The following CLYBL variants were observed in gnomAD, a reference collection of about 807,000 sequenced individuals.
CLYBL encodes the protein citramalyl-CoA lyase, mitochondrial.
A neutral mutation model predicts 38.9 loss-of-function variants in CLYBL; 31 were observed. The observed-to-expected ratio is 0.80, with a 90% CI of 0.60 to 1.08. The LOEUF is 1.08. Ranked by LOEUF, CLYBL falls within the 50% of genes least tolerant of loss-of-function variation. CLYBL has a pLI of 0.00. For synonymous variants in CLYBL, 171 were observed against 158.6 expected, an observed-to-expected ratio of 1.08 and a Z score of -0.59; for missense variants, 434 against 411.6, an observed-to-expected ratio of 1.05 and a Z score of -0.47.
chr13:99,876,826 C>A (rs1043864989), intron 7 of CLYBL, among the ~76,000 whole-genome samples: 23 of 152,082 alleles, frequency 1.5e-4, no homozygotes, highest in Non-Finnish European at 3.2e-4. Context: ...ACACTCATGA[C>A]CAAAACGAGA....
chr13:99,620,774 C>CA (rs2046780888), intron 1 of CLYBL, among the ~76,000 whole-genome samples: 2 of 132,606 alleles, frequency 1.5e-5, no homozygotes, highest in African/African-American at 5.5e-5. Flanking sequence ...GACTCTGTCT[C>CA]AAAAAAAGAA....
At chr13:99,614,189 A>T (rs117335782) in intron 1 of CLYBL, among the ~76,000 whole-genome samples, 1,529 of 152,274 alleles carry the variant, frequency 0.01, 14 homozygotes, top group Non-Finnish European at 0.016. Flanking sequence ...GAAAGAATAA[A>T]AAGACCAGTG....
At chr13:99,701,478 A>AT (rs1206690572) in intron 1 of CLYBL, among the ~76,000 whole-genome samples, 3 of 151,042 alleles carry the variant, frequency 2.0e-5, no homozygotes, top group African/African-American at 4.9e-5. Flanking sequence ...CGCCTGGCTA[A>AT]TTTTTTTGTA....
intron 1 of CLYBL, among the ~76,000 whole-genome samples, chr13:99,645,163 A>G (rs188260871): frequency 3.3e-4 from 50 of 152,170 alleles, no homozygotes; most frequent in African/African-American, 1.2e-3. Context: ...CCTTTTTTCC[A>G]TATCCTCGCT....
Position 99,606,772 on chromosome 13 carries a change from C to G in CLYBL, c.62+15C>G. Reference sequence around the variant, plus strand: ...CTGCTGAGGCTGTGAGTGCAGGTCCCCGTTCCCCGCCTTCCCGGCCCGGCT... The same window carrying G: ...CTGCTGAGGCTGTGAGTGCAGGTCCGCGTTCCCCGCCTTCCCGGCCCGGCT... On this transcript the variant is annotated intron_variant, in intron 1 of 8. Transcript: ENST00000339105. 1 of 1,407,840 alleles carries G rather than the reference C, an allele frequency of 7.1e-7. No individual in the cohort carries two copies. The highest frequency in any genetic ancestry group is 9.2e-7 in the Non-Finnish European group (1 of 1,084,176). The allele number at this position is 1,407,840 out of a possible 1,614,324, so 87.2% of individuals were successfully genotyped here. A position where few individuals can be genotyped will look rare whatever the true frequency, so the allele number is the denominator to read the frequency against.
intron 1 of CLYBL, among the ~76,000 whole-genome samples, chr13:99,738,800 G>T (rs960364998): frequency 6.6e-6 from 1 of 152,104 alleles, no homozygotes; most frequent in Non-Finnish European, 1.5e-5. Context: ...GGAAGGAAAT[G>T]AGAATGGGGG....
At chr13:99,673,031 C>T (rs981040522) in intron 1 of CLYBL, among the ~76,000 whole-genome samples, 18 of 152,094 alleles carry the variant, frequency 1.2e-4, no homozygotes, top group African/African-American at 4.3e-4. Flanking sequence ...CTAGAGCTTA[C>T]AATTCAGCAG....
intron 2 of CLYBL, among the ~76,000 whole-genome samples, chr13:99,814,401 T>C (rs889807173): frequency 6.6e-6 from 1 of 152,210 alleles, no homozygotes; most frequent in Admixed American, 6.5e-5. Flanking sequence ...CCAAAAGCAT[T>C]GTTTGCCCCT....
At chr13:99,623,422 T>A (rs1418520049) in intron 1 of CLYBL, among the ~76,000 whole-genome samples, 2 of 152,214 alleles carry the variant, frequency 1.3e-5, no homozygotes, top group East Asian at 1.9e-4. Flanking sequence ...GGCCCCCATC[T>A]TGGACTCCAA....
In CLYBL at chr13:99,710,847, G is replaced by A. The variant is rs149751982; in HGVS notation, c.63-61977G>A. ...GTAAGCACATCTCCTTCAAGCTATC[G>A]ACAAGTCTCCTGGCTTCTCTTAGTT... On this transcript the variant is annotated intron_variant, in intron 1 of 8. Transcript: ENST00000339105. Among the ~76,000 whole-genome samples, 616 of 149,560 alleles carry A rather than the reference G, an allele frequency of 4.1e-3. 7 individuals are homozygous for A. The highest frequency in any genetic ancestry group is 0.012 in the African/African-American group (505 of 40,668).
At chr13:99,686,870 G>A (rs559592066) in intron 1 of CLYBL, among the ~76,000 whole-genome samples, 2 of 152,348 alleles carry the variant, frequency 1.3e-5, no homozygotes, top group East Asian at 3.9e-4. Context: ...GGGAATTTCA[G>A]AAGGGCAGGG....
chr13:99,703,294 T>C (rs1594128543), intron 1 of CLYBL, among the ~76,000 whole-genome samples: 1 of 152,222 alleles, frequency 6.6e-6, no homozygotes, highest in African/African-American at 2.4e-5. Flanking sequence ...CTTCTTAGTA[T>C]GATATCAGGT....
At chr13:99,772,773 T>A (rs2138793635) in intron 1 of CLYBL, 51 bp from the exon 2 acceptor site, 1 of 1,403,362 alleles carries the variant, frequency 7.1e-7, no homozygotes, top group East Asian at 2.4e-5. Context: ...TTCACAAGTT[T>A]ATAAATACAG....
At chr13:99,759,593 G>A (rs1001278582) in intron 1 of CLYBL, among the ~76,000 whole-genome samples, 2 of 152,050 alleles carry the variant, frequency 1.3e-5, no homozygotes, top group African/African-American at 4.8e-5. Context: ...CCCTCAGAGA[G>A]CTCATGCTCT....
intron 1 of CLYBL, among the ~76,000 whole-genome samples, chr13:99,772,504 C>G (rs2049416900): frequency 6.6e-6 from 1 of 152,010 alleles, no homozygotes; most frequent in African/African-American, 2.4e-5. Context: ...CAAGACCAGC[C>G]TGGGCAACAT....
At chr13:99,859,481 C>T (rs17612226) in intron 3 of CLYBL, among the ~76,000 whole-genome samples, 5,469 of 152,184 alleles carry the variant, frequency 0.036, 153 homozygotes, top group East Asian at 0.12. Context: ...GCACATTTGC[C>T]GCATATGAAA....
chr13:99,647,567 GAGAA>G (rs1380654835), intron 1 of CLYBL, among the ~76,000 whole-genome samples: 1 of 152,144 alleles, frequency 6.6e-6, no homozygotes, highest in Non-Finnish European at 1.5e-5. Flanking sequence ...AACAGATTCA[GAGAA>G]AGAAAGCAGA....
intron 2 of CLYBL, among the ~76,000 whole-genome samples, chr13:99,783,021 G>T (rs1289260645): frequency 1.3e-5 from 2 of 151,910 alleles, no homozygotes; most frequent in Admixed American, 6.6e-5. Context: ...CCCATCCTCT[G>T]AGGTTTTTTG....
intron 7 of CLYBL, among the ~76,000 whole-genome samples, chr13:99,884,345 C>T (rs748365918): frequency 7.9e-5 from 12 of 152,158 alleles, no homozygotes; most frequent in Non-Finnish European, 1.5e-4. Context: ...ACTGTCCCCT[C>T]GATCACCCAG....
Sources: allele counts gnomAD v4.1 joint callset (sites outside exome capture counted in the v4.1 genomes callset), GRCh38; gene constraint gnomAD v4.1.1; transcripts MANE v1.5; gene names NCBI Gene and HGNC (gene_info 2026-07-23, HGNC 2026-07-21).